Variants in ASIC2 observed in about 807,000 individuals in gnomAD.
ASIC2 encodes the protein acid-sensing ion channel 2.
In ASIC2, 25 loss-of-function variants were observed where a neutral mutation model predicts 57.3. That is an observed-to-expected ratio of 0.44 (90% confidence interval 0.32 to 0.61). The LOEUF is 0.61. Ranked by LOEUF, ASIC2 falls within the 20% of genes least tolerant of loss-of-function variation. The pLI is 0.06. For synonymous variants in ASIC2, 319 were observed against 307.5 expected (o/e 1.04, Z -0.39); for missense variants, 641 against 738.1 (o/e 0.87, Z 1.52).
At chr17:33,983,392 C>A (rs1264106507) in intron 1 of ASIC2, among the ~76,000 whole-genome samples, 1 of 152,154 alleles carries the variant, frequency 6.6e-6, no homozygotes, top group Admixed American at 6.5e-5. Context: ...AGATGAAATG[C>A]TCCCAACAGC....
At chr17:34,136,456 C>A (rs1235672246) in intron 1 of ASIC2, among the ~76,000 whole-genome samples, 1 of 152,194 alleles carries the variant, frequency 6.6e-6, no homozygotes, top group East Asian at 1.9e-4. Context: ...ATAACAAGAA[C>A]CTTGGCTTCC....
chr17:33,346,062 A>G (rs775340573), intron 1 of ASIC2, among the ~76,000 whole-genome samples: 8 of 151,960 alleles, frequency 5.3e-5, no homozygotes, highest in Middle Eastern at 3.4e-3. Flanking sequence ...CCCCATCTTT[A>G]CTAAAAATAC....
chr17:33,281,241 T>A (rs1329066055), intron 1 of ASIC2, among the ~76,000 whole-genome samples: 1 of 152,218 alleles, frequency 6.6e-6, no homozygotes, highest in Non-Finnish European at 1.5e-5. Context: ...AGAGGTGTGA[T>A]ATGAAAATGA....
intron 3 of ASIC2, among the ~76,000 whole-genome samples, chr17:33,032,908 A>T (rs963166178): frequency 6.6e-6 from 1 of 152,024 alleles, no homozygotes; most frequent in Non-Finnish European, 1.5e-5. Context: ...CATGCTGAAG[A>T]ATCTCTTTTA....
chr17:33,452,969 A>G (rs1248347743), intron 1 of ASIC2, among the ~76,000 whole-genome samples: 4 of 152,180 alleles, frequency 2.6e-5, no homozygotes, highest in Admixed American at 6.5e-5. Context: ...GACTCATGAA[A>G]TGACAGGGCC....
chr17:33,307,568 C>T (rs909862057), intron 1 of ASIC2, among the ~76,000 whole-genome samples: 5 of 152,208 alleles, frequency 3.3e-5, no homozygotes, highest in Admixed American at 2.6e-4. Context: ...CCTCAGCCTC[C>T]CAAAGTGCTG....
At chr17:33,755,218 G>A (rs1240990964) in intron 1 of ASIC2, among the ~76,000 whole-genome samples, 5 of 152,172 alleles carry the variant, frequency 3.3e-5, no homozygotes, top group Non-Finnish European at 7.3e-5. Flanking sequence ...GCCAAGGAAT[G>A]CTGGCAGCCA....
chr17:34,030,709 T>C (rs1308244427), intron 1 of ASIC2, among the ~76,000 whole-genome samples: 2 of 152,192 alleles, frequency 1.3e-5, no homozygotes, highest in Non-Finnish European at 1.5e-5. Flanking sequence ...GGAGATTATA[T>C]CAAGCACCTG....
intron 1 of ASIC2, among the ~76,000 whole-genome samples, chr17:33,424,424 G>A (rs1348852587): frequency 1.3e-5 from 2 of 152,156 alleles, no homozygotes; most frequent in Non-Finnish European, 1.5e-5. Context: ...TGGGGAGTCC[G>A]GGGAAAGCAG....
At chr17:33,973,101 G>T (rs1415939437) in intron 1 of ASIC2, among the ~76,000 whole-genome samples, 1 of 152,244 alleles carries the variant, frequency 6.6e-6, no homozygotes, top group Non-Finnish European at 1.5e-5. Context: ...CATCTCTTGG[G>T]CTTGGCTGCT....
At chr17:33,740,534 C>T (rs1004812908) in intron 1 of ASIC2, among the ~76,000 whole-genome samples, 2 of 152,172 alleles carry the variant, frequency 1.3e-5, no homozygotes, top group Non-Finnish European at 2.9e-5. Context: ...TCAATTACCT[C>T]CCACCGGATC....
intron 1 of ASIC2, among the ~76,000 whole-genome samples, chr17:33,661,321 T>C (rs1282454376): frequency 1.3e-5 from 2 of 152,242 alleles, no homozygotes; most frequent in Admixed American, 1.3e-4. Context: ...AAGAAGGTAG[T>C]TCGTTTTGCA....
intron 1 of ASIC2, among the ~76,000 whole-genome samples, chr17:33,627,751 G>A (rs1766892546): frequency 6.6e-6 from 1 of 152,170 alleles, no homozygotes; most frequent in African/African-American, 2.4e-5. Context: ...TATTTTTCAG[G>A]GATTTGATTT....
intron 1 of ASIC2, among the ~76,000 whole-genome samples, chr17:33,826,600 A>G (rs1912922315): frequency 6.6e-6 from 1 of 152,196 alleles, no homozygotes; most frequent in Non-Finnish European, 1.5e-5. Flanking sequence ...TGGTTTTCCC[A>G]GTGTTTCAGA....
chr17:33,329,048 T>C (rs748075401), intron 1 of ASIC2, among the ~76,000 whole-genome samples: 2 of 151,982 alleles, frequency 1.3e-5, no homozygotes, highest in Non-Finnish European at 2.9e-5. Context: ...TACACTTCTA[T>C]AAGAGGCAGG....
intron 1 of ASIC2, among the ~76,000 whole-genome samples, chr17:33,498,246 ACT>A (rs1390299752): frequency 6.6e-6 from 1 of 152,246 alleles, no homozygotes; most frequent in East Asian, 1.9e-4. Context: ...CCCACCAGGA[ACT>A]GTTGAGCAAT....
chr17:33,566,667 A>G (rs1916243384), intron 1 of ASIC2, among the ~76,000 whole-genome samples: 1 of 152,102 alleles, frequency 6.6e-6, no homozygotes, highest in Admixed American at 6.6e-5. Flanking sequence ...TGGAACCCCA[A>G]AGCTCTTTCA....
At chr17:33,490,620 C>T (rs949048069) in intron 1 of ASIC2, among the ~76,000 whole-genome samples, 2 of 152,200 alleles carry the variant, frequency 1.3e-5, no homozygotes, top group African/African-American at 2.4e-5. Flanking sequence ...TTGCCTGGCG[C>T]CATCTAAGAT....
At chr17:33,249,888 G>A (rs986328493) in intron 1 of ASIC2, among the ~76,000 whole-genome samples, 1 of 152,172 alleles carries the variant, frequency 6.6e-6, no homozygotes, top group African/African-American at 2.4e-5. Flanking sequence ...TGGCCTGTTA[G>A]CTAGGGAGTT....
Sources: allele counts gnomAD v4.1 joint callset (sites outside exome capture counted in the v4.1 genomes callset), GRCh38; gene constraint gnomAD v4.1.1; transcripts MANE v1.5; gene names NCBI Gene and HGNC (gene_info 2026-07-23, HGNC 2026-07-21).